The following VPS13B variants were observed in gnomAD, a reference collection of about 807,000 sequenced individuals.
VPS13B encodes the protein vacuolar protein sorting 13 homolog B.
A neutral mutation model predicts 426.4 loss-of-function variants in VPS13B; 285 were observed. That is an observed-to-expected ratio of 0.67 (90% confidence interval 0.61 to 0.74). VPS13B has a LOEUF of 0.74. Ranked by LOEUF, VPS13B falls within the 30% of genes least tolerant of loss-of-function variation. The pLI is 0.00. For missense variants in VPS13B, 4,537 were observed against 4,782.6 expected, an observed-to-expected ratio of 0.95 and a Z score of 1.51; for synonymous variants, 1,676 against 1,676.4, an observed-to-expected ratio of 1.00 and a Z score of 0.01.
intron 30 of VPS13B, among the ~76,000 whole-genome samples, chr8:99,542,187 C>G (rs916186588): frequency 6.6e-6 from 1 of 152,134 alleles, no homozygotes; most frequent in African/African-American, 2.4e-5. Context: ...CCGTGCCTGG[C>G]CTAAGCAATA....
chr8:99,349,327 C>T (rs1432691842), intron 19 of VPS13B, among the ~76,000 whole-genome samples: 1,132 of 66,130 alleles, frequency 0.017, 20 homozygotes, highest in African/African-American at 0.062. Context: ...AGCGAGACTC[C>T]GTCTCAAAAA....
At chr8:99,115,140 C>G (rs1007677421) in intron 6 of VPS13B, among the ~76,000 whole-genome samples, 1 of 152,062 alleles carries the variant, frequency 6.6e-6, no homozygotes, top group Admixed American at 6.5e-5. Context: ...ATATATTTCA[C>G]TTGTTTTTCC....
chr8:99,721,419 T>C (rs1415807560), intron 39 of VPS13B, among the ~76,000 whole-genome samples: 2 of 152,164 alleles, frequency 1.3e-5, no homozygotes, highest in East Asian at 3.9e-4. Flanking sequence ...AATATGCCCA[T>C]GTAAGGCTAG....
chr8:99,692,921 A>G (rs1226350459), intron 35 of VPS13B, among the ~76,000 whole-genome samples: 1 of 150,008 alleles, frequency 6.7e-6, no homozygotes, highest in Non-Finnish European at 1.5e-5. Context: ...AAACACCTCT[A>G]CACAAATAAA....
intron 14 of VPS13B, among the ~76,000 whole-genome samples, chr8:99,150,678 G>T (rs1463006745): frequency 4.6e-5 from 7 of 152,124 alleles, no homozygotes; most frequent in East Asian, 1.9e-4. Flanking sequence ...TAGTGATATG[G>T]ATTTAAGTTT....
At chr8:99,485,845 T>G (rs148918352) in intron 25 of VPS13B, among the ~76,000 whole-genome samples, 1,757 of 152,298 alleles carry the variant, frequency 0.012, 38 homozygotes, top group African/African-American at 0.04. Context: ...TTATATAGTC[T>G]CCTCTTCATA....
At chr8:99,392,468 CTTTA>C (rs1234272544) in intron 21 of VPS13B, among the ~76,000 whole-genome samples, 2 of 151,678 alleles carry the variant, frequency 1.3e-5, no homozygotes, top group Admixed American at 1.3e-4. Context: ...TTTTCTTTAG[CTTTA>C]TTTCTTATAA....
intron 17 of VPS13B, among the ~76,000 whole-genome samples, chr8:99,271,202 A>G (rs961015458): frequency 9.9e-6 from 1 of 101,032 alleles, no homozygotes; most frequent in East Asian, 2.1e-4. Context: ...ACTAACTACT[A>G]CTACTACTAC....
intron 33 of VPS13B, among the ~76,000 whole-genome samples, chr8:99,601,621 G>A (rs1022409595): frequency 1.3e-5 from 2 of 152,182 alleles, no homozygotes; most frequent in African/African-American, 4.8e-5. Flanking sequence ...CACCAACAGT[G>A]TAAAATTGTT....
chr8:99,619,887 A>G (rs1248130412), intron 33 of VPS13B, among the ~76,000 whole-genome samples: 1 of 81,180 alleles, frequency 1.2e-5, no homozygotes, highest in Non-Finnish European at 2.4e-5. Context: ...AATGATGATG[A>G]TAATAATAAT....
At chr8:99,705,384 C>T (rs944699644) in intron 36 of VPS13B, among the ~76,000 whole-genome samples, 1 of 152,034 alleles carries the variant, frequency 6.6e-6, no homozygotes, top group African/African-American at 2.4e-5. Flanking sequence ...TGTAATTCTC[C>T]TGTCCTCTTA....
chr8:99,862,449 A>T (rs1436667172), intron 58 of VPS13B, among the ~76,000 whole-genome samples: 1 of 152,252 alleles, frequency 6.6e-6, no homozygotes, highest in African/African-American at 2.4e-5. Flanking sequence ...TATTGTTTGT[A>T]GAGCAGCCAG....
chr8:99,600,242 C>G (rs1323657335), intron 33 of VPS13B, among the ~76,000 whole-genome samples: 2 of 152,096 alleles, frequency 1.3e-5, no homozygotes, highest in Admixed American at 1.3e-4. Context: ...TTTGGGGTTA[C>G]TTTTCAGATT....
intron 33 of VPS13B, among the ~76,000 whole-genome samples, chr8:99,640,897 G>A (rs1260663325): frequency 2.0e-5 from 3 of 152,068 alleles, no homozygotes; most frequent in Non-Finnish European, 4.4e-5. Context: ...AAGATGGGGT[G>A]GGGTAGTTTT....
intron 17 of VPS13B, among the ~76,000 whole-genome samples, chr8:99,226,094 G>A (rs914429130): frequency 6.6e-6 from 1 of 151,816 alleles, no homozygotes; most frequent in South Asian, 2.1e-4. Flanking sequence ...ACAGGTGCCC[G>A]CCACCATGCC....
At chr8:99,752,299 G>A (rs959191635) in intron 39 of VPS13B, among the ~76,000 whole-genome samples, 1 of 152,198 alleles carries the variant, frequency 6.6e-6, no homozygotes, top group African/African-American at 2.4e-5. Flanking sequence ...CTATTCCCTA[G>A]TAGACATATA....
At chr8:99,748,843 G>T (rs965269557) in intron 39 of VPS13B, among the ~76,000 whole-genome samples, 7 of 152,028 alleles carry the variant, frequency 4.6e-5, no homozygotes, top group Non-Finnish European at 1.5e-5. Flanking sequence ...GATTTGGGAA[G>T]AGCAAAGCAC....
intron 17 of VPS13B, among the ~76,000 whole-genome samples, chr8:99,230,795 T>C (rs1260003488): frequency 1.3e-5 from 2 of 152,238 alleles, no homozygotes; most frequent in African/African-American, 4.8e-5. Context: ...TAATAGATTA[T>C]TACTTTATTA....
chr8:99,464,216 G>A (rs951536259), intron 23 of VPS13B, among the ~76,000 whole-genome samples: 1 of 152,144 alleles, frequency 6.6e-6, no homozygotes, highest in East Asian at 1.9e-4. Flanking sequence ...GAAGAGGAAG[G>A]CATTTTTGTT....
Sources: allele counts gnomAD v4.1 joint callset (sites outside exome capture counted in the v4.1 genomes callset), GRCh38; gene constraint gnomAD v4.1.1; transcripts MANE v1.5; gene names NCBI Gene and HGNC (gene_info 2026-07-23, HGNC 2026-07-21).